Variants in SLC24A2 observed in about 807,000 individuals in gnomAD.
The protein encoded by SLC24A2 is sodium/potassium/calcium exchanger 2.
A neutral mutation model predicts 62.0 loss-of-function variants in SLC24A2; 36 were observed. That is an observed-to-expected ratio of 0.58 (90% CI 0.44 to 0.77). The LOEUF is 0.77. SLC24A2 is among the 30% of genes least tolerant of loss of function. The pLI, the probability that SLC24A2 is intolerant of heterozygous loss-of-function variation, is 0.00. For synonymous variants in SLC24A2, 358 were observed against 294.0 expected, an observed-to-expected ratio of 1.22 and a Z score of -2.23; for missense variants, 846 against 817.9, an observed-to-expected ratio of 1.03 and a Z score of -0.42.
chr9:20,132,720 G>C, the SLC24A2 span, among the ~76,000 whole-genome samples: 1 of 151,964 alleles, frequency 6.6e-6, no homozygotes, highest in South Asian at 2.1e-4. Flanking sequence ...ATTATTTAAA[G>C]CTATTTGGTT....
chr9:19,669,216 C>T (rs1172966583), intron 2 of SLC24A2, among the ~76,000 whole-genome samples: 2 of 152,186 alleles, frequency 1.3e-5, no homozygotes, highest in East Asian at 1.9e-4. Flanking sequence ...GAGGCTCACC[C>T]TTGCTCTGGA....
At chr9:19,562,289 T>G (rs1835443177) in intron 7 of SLC24A2, among the ~76,000 whole-genome samples, 1 of 152,190 alleles carries the variant, frequency 6.6e-6, no homozygotes, top group African/African-American at 2.4e-5. Flanking sequence ...AAAATTAAAA[T>G]TATTAGAAAT....
At chr9:20,149,883 T>C in the SLC24A2 span, among the ~76,000 whole-genome samples, 1 of 151,986 alleles carries the variant, frequency 6.6e-6, no homozygotes, top group South Asian at 2.1e-4. Flanking sequence ...ATACAGCCCC[T>C]TCCTCAAAGG....
the SLC24A2 span, among the ~76,000 whole-genome samples, chr9:19,862,100 A>G: frequency 6.6e-6 from 1 of 152,192 alleles, no homozygotes; most frequent in African/African-American, 2.4e-5. Context: ...GGAAGGCAAC[A>G]GAACACCAAG....
At chr9:19,563,227 TAC>T (rs538280165) in intron 7 of SLC24A2, among the ~76,000 whole-genome samples, 1 of 152,156 alleles carries the variant, frequency 6.6e-6, no homozygotes, top group Admixed American at 6.5e-5. Context: ...CAGACATAAA[TAC>T]ACACACACCG....
intron 2 of SLC24A2, among the ~76,000 whole-genome samples, chr9:19,700,789 A>G (rs1286101719): frequency 6.6e-5 from 10 of 152,178 alleles, no homozygotes; most frequent in Admixed American, 2.0e-4. Context: ...TGTAGTGTCA[A>G]CTGACAACCA....
Position 19,710,394 on chromosome 9 carries a change from T to G in SLC24A2, c.930+75543A>C, listed in dbSNP as rs116688257. On this transcript the variant is annotated intron_variant, in intron 2 of 10. Coordinates refer to ENST00000341998, the MANE Select transcript of SLC24A2 (RefSeq NM_020344.4). The stretch of plus-strand genomic sequence containing the variant: ...GTATCACAGGGGCAAATAAGAGGAG[T>G]ACTAGCCCTATCAGGGGGGTGGTGG... 2.9e-3 allele frequency among the ~76,000 whole-genome samples: 438 copies of G among 151,724 alleles called. 4 individuals carry two copies. Among genetic ancestry groups the G allele is most frequent in the African/African-American group, 0.01 (422 of 41,390 alleles).
the SLC24A2 span, among the ~76,000 whole-genome samples, chr9:20,039,162 G>A: frequency 2.6e-5 from 4 of 152,162 alleles, no homozygotes; most frequent in Non-Finnish European, 5.9e-5. Context: ...GAGCCAGACG[G>A]GCTGGCCCTG....
At chr9:19,650,925 TGGA>T in intron 2 of SLC24A2, among the ~76,000 whole-genome samples, 1 of 152,248 alleles carries the variant, frequency 6.6e-6, no homozygotes, top group Non-Finnish European at 1.5e-5. Flanking sequence ...GCTTCTGAAG[TGGA>T]GAAGTATGTC....
At chr9:19,886,496 C>T in the SLC24A2 span, among the ~76,000 whole-genome samples, 1 of 152,006 alleles carries the variant, frequency 6.6e-6, no homozygotes, top group East Asian at 1.9e-4. Context: ...CAAATCAAAA[C>T]CACAACGAGA....
At chr9:19,908,546 A>C in the SLC24A2 span, among the ~76,000 whole-genome samples, 19 of 152,302 alleles carry the variant, frequency 1.2e-4, no homozygotes, top group East Asian at 3.7e-3. Flanking sequence ...GAGTGAACAG[A>C]CAACCTACAG....
the SLC24A2 span, among the ~76,000 whole-genome samples, chr9:19,868,852 T>C: frequency 6.6e-6 from 1 of 152,214 alleles, no homozygotes. Flanking sequence ...TTAACCTATT[T>C]GCTTTTTTTA....
At chr9:19,723,745 A>C (rs1821094289) in intron 2 of SLC24A2, among the ~76,000 whole-genome samples, 1 of 152,106 alleles carries the variant, frequency 6.6e-6, no homozygotes, top group African/African-American at 2.4e-5. Context: ...TTAATAATAG[A>C]AGTCCAGGGC....
chr9:20,136,943 T>C, the SLC24A2 span, among the ~76,000 whole-genome samples: 1 of 152,080 alleles, frequency 6.6e-6, no homozygotes. Context: ...GATGGGCAAA[T>C]TGAGTATGAC....
At chr9:19,553,959 C>T (rs1030628997) in intron 7 of SLC24A2, among the ~76,000 whole-genome samples, 2 of 152,114 alleles carry the variant, frequency 1.3e-5, no homozygotes, top group Non-Finnish European at 2.9e-5. Flanking sequence ...TTCCTTCTCC[C>T]CCACCCAAAT....
intron 2 of SLC24A2, among the ~76,000 whole-genome samples, chr9:19,764,806 T>A (rs1036280221): frequency 1.3e-5 from 2 of 152,224 alleles, no homozygotes; most frequent in Admixed American, 1.3e-4. Context: ...TGTAGATGTC[T>A]ATTAGGTCCT....
intron 2 of SLC24A2, among the ~76,000 whole-genome samples, chr9:19,687,470 T>C (rs1329132602): frequency 2.0e-5 from 3 of 152,070 alleles, no homozygotes; most frequent in Non-Finnish European, 4.4e-5. Context: ...GACAAATTCC[T>C]TTGTCCATTT....
chr9:20,206,879 G>GT, the SLC24A2 span, among the ~76,000 whole-genome samples: 1 of 29,940 alleles, frequency 3.3e-5, no homozygotes, highest in Admixed American at 3.2e-4. Flanking sequence ...AAAAAACTAA[G>GT]TTGGGGGGGG....
intron 5 of SLC24A2, 57 bp downstream of exon 5, chr9:19,597,172 C>G: frequency 2.7e-6 from 3 of 1,129,322 alleles, no homozygotes; most frequent in Non-Finnish European, 4.1e-6. Context: ...AATGGGCAAG[C>G]AACAGACACC....
Sources: allele counts gnomAD v4.1 joint callset (sites outside exome capture counted in the v4.1 genomes callset), GRCh38; gene constraint gnomAD v4.1.1; transcripts MANE v1.5; gene names NCBI Gene and HGNC (gene_info 2026-07-23, HGNC 2026-07-21).